The following ARHGAP31 variants were observed in gnomAD, a reference collection of about 807,000 sequenced individuals.
The protein encoded by ARHGAP31 is Rho GTPase activating protein 31.
ARHGAP31 carries 34 observed loss-of-function variants against 113.9 expected under a neutral mutation model. The ratio of observed to expected loss-of-function variants is 0.30; its 90% confidence interval spans 0.23 to 0.40. The LOEUF is 0.40. ARHGAP31 is among the 10% of genes least tolerant of loss of function. ARHGAP31 has a pLI of 1.00. For missense variants in ARHGAP31, 1,548 were observed against 1,767.1 expected (o/e 0.88, Z 2.22); for synonymous variants, 650 against 684.8 (o/e 0.95, Z 0.79).
intron 8 of ARHGAP31, among the ~76,000 whole-genome samples, chr3:119,396,965 A>G (rs1381497497): frequency 6.6e-6 from 1 of 152,238 alleles, no homozygotes; most frequent in Non-Finnish European, 1.5e-5. Context: ...GAACCCTCCA[A>G]AATGAACTGT....
At chr3:119,324,181 C>A (rs1292531480) in intron 1 of ARHGAP31, among the ~76,000 whole-genome samples, 1 of 152,114 alleles carries the variant, frequency 6.6e-6, no homozygotes, top group Non-Finnish European at 1.5e-5. Context: ...TAGAATATAC[C>A]CTTGTCTAGC....
At chr3:119,384,453 A>G (rs929495346) in intron 6 of ARHGAP31, among the ~76,000 whole-genome samples, 3 of 152,202 alleles carry the variant, frequency 2.0e-5, no homozygotes, top group African/African-American at 4.8e-5. Context: ...GTAATTTGCA[A>G]TGAAAGGGAA....
intron 11 of ARHGAP31, among the ~76,000 whole-genome samples, chr3:119,413,565 T>C: frequency 6.6e-6 from 1 of 152,210 alleles, no homozygotes; most frequent in Non-Finnish European, 1.5e-5. Context: ...CTGTATGACT[T>C]AGATAAATTG....
intron 1 of ARHGAP31, among the ~76,000 whole-genome samples, chr3:119,318,741 G>A (rs1482438900): frequency 2.6e-5 from 4 of 151,914 alleles, no homozygotes; most frequent in Non-Finnish European, 5.9e-5. Context: ...TTAGTCTCTC[G>A]CTTATAATTA....
chr3:119,393,390 A>G lies in ARHGAP31; in HGVS notation c.882-77A>G, dbSNP rs893854058. Reference sequence around the variant, plus strand: ...CATTCATAACTGAGGACATAACTGGAATATTTGGTCTCAATTTAAAAGTCC... The same window carrying G: ...CATTCATAACTGAGGACATAACTGGGATATTTGGTCTCAATTTAAAAGTCC... On this transcript the variant is annotated intron_variant, in intron 7 of 11. Coordinates refer to ENST00000264245, the MANE Select transcript of ARHGAP31 (RefSeq NM_020754.4). 29 of 1,555,160 alleles carry G rather than the reference A, an allele frequency of 1.9e-5. No individual in the cohort carries two copies. In the African/African-American group the frequency reaches 3.1e-4, roughly 17 times the overall value.
chr3:119,309,624 G>A (rs1179872027), intron 1 of ARHGAP31, among the ~76,000 whole-genome samples: 1 of 152,052 alleles, frequency 6.6e-6, no homozygotes, highest in Non-Finnish European at 1.5e-5. Flanking sequence ...GCCAGGCATG[G>A]TGGCGTGGGG....
intron 1 of ARHGAP31, among the ~76,000 whole-genome samples, chr3:119,337,171 G>A (rs2079960463): frequency 6.6e-6 from 1 of 152,202 alleles, no homozygotes; most frequent in Non-Finnish European, 1.5e-5. Flanking sequence ...CCCTGGCAGT[G>A]AGTGTTACAG....
intron 1 of ARHGAP31, among the ~76,000 whole-genome samples, chr3:119,317,279 C>T (rs776389802): frequency 3.1e-4 from 47 of 151,936 alleles, no homozygotes; most frequent in Non-Finnish European, 5.7e-4. Context: ...CCTGGGTTCA[C>T]GCTATTCTCC....
Position 119,415,093 on chromosome 3 carries a change from C to T in ARHGAP31, c.3164C>T (p.Pro1055Leu). The T allele has an allele frequency of 6.2e-7, 1 of 1,614,174 alleles. No homozygotes were observed. Among genetic ancestry groups the T allele is most frequent in the Non-Finnish European group, 8.5e-7 (1 of 1,180,040 alleles). ...GGGACACACCTGGGGCACAGCAGTC[C>T]ACAGATTAGGCAAGGTGGTGTTCCT... is the stretch of plus-strand genomic sequence containing the variant. ...ELGTHLGHSSPQIRQGGVPGP... is the reference protein window; with the variant it reads ...ELGTHLGHSSLQIRQGGVPGP... The change falls in exon 12 of 12, where the codon CCA becomes CTA. Residue 1055 changes from proline to leucine, a missense_variant. Coordinates refer to ENST00000264245, the MANE Select transcript of ARHGAP31 (RefSeq NM_020754.4).
chr3:119,347,287 G>A (rs2080069092), intron 1 of ARHGAP31, among the ~76,000 whole-genome samples: 1 of 152,204 alleles, frequency 6.6e-6, no homozygotes, highest in Non-Finnish European at 1.5e-5. Context: ...CTGTGGCCAA[G>A]GGCAGTGTCT....
chr3:119,391,329 T>G (rs1310106009), intron 7 of ARHGAP31, among the ~76,000 whole-genome samples: 1 of 152,114 alleles, frequency 6.6e-6, no homozygotes, highest in Non-Finnish European at 1.5e-5. Context: ...AAAGGAAGTT[T>G]ACTAAAAACA....
chr3:119,341,447 A>C (rs12486987), intron 1 of ARHGAP31, among the ~76,000 whole-genome samples: 1 of 152,016 alleles, frequency 6.6e-6, no homozygotes, highest in Non-Finnish European at 1.5e-5. Flanking sequence ...CTGTGAGGGA[A>C]TTACTATTAT....
chr3:119,356,338 A>AC (rs2107618766), intron 1 of ARHGAP31, among the ~76,000 whole-genome samples: 1 of 152,170 alleles, frequency 6.6e-6, no homozygotes, highest in South Asian at 2.1e-4. Flanking sequence ...AACAACAACA[A>AC]AAAAAACCAT....
Position 119,414,149 on chromosome 3 carries a change from A to C in ARHGAP31, c.2220A>C (p.Glu740Asp), listed in dbSNP as rs1324456493. ...ASTAASREKP[E>D]PEQGLHPDLA... is the part of the protein sequence containing the mutation. ...CAGCAGCCAGCAGAGAGAAGCCGGA[A>C]CCTGAGCAGGGCCTGCACCCAGACC... Residue 740 changes from glutamate (E) to aspartate (D), a missense_variant, in exon 12 of 12, where the codon GAA (glutamate) becomes GAC (aspartate). By Grantham distance (45) the Glu-to-Asp change is conservative (BLOSUM62 2). Coordinates refer to ENST00000264245, the MANE Select transcript of ARHGAP31 (RefSeq NM_020754.4). The C allele has an allele frequency of 6.2e-7, 1 of 1,614,050 alleles. No homozygotes were observed. Among genetic ancestry groups the C allele is most frequent in the Non-Finnish European group, 8.5e-7 (1 of 1,180,036 alleles).
chr3:119,401,846 A>G lies in ARHGAP31; in HGVS notation c.1094A>G (p.Asn365Ser), dbSNP rs560153563. ...VEGKETKGNF[N>S]RTVTTGGFFI... ...GGAAAAGAAACCAAGGGAAATTTCA[A>G]TCGAACAGTTACCACCGGTGGATTT... The change falls in exon 10 of 12, where the codon AAT (asparagine) becomes AGT (serine). Residue 365 changes from asparagine (N) to serine (S), a missense_variant. Asn to Ser is a conservative substitution (Grantham distance 46). Coordinates refer to ENST00000264245, the MANE Select transcript of ARHGAP31 (RefSeq NM_020754.4). 1.9e-6 allele frequency: 3 copies of G among 1,613,944 alleles called. No individual in the cohort carries two copies. Among genetic ancestry groups the G allele is most frequent in the Admixed American group, 3.3e-5 (2 of 60,002 alleles).
At chr3:119,305,763 A>G (rs2079626374) in intron 1 of ARHGAP31, among the ~76,000 whole-genome samples, 1 of 152,204 alleles carries the variant, frequency 6.6e-6, no homozygotes, top group African/African-American at 2.4e-5. Flanking sequence ...AGCAAAGCCA[A>G]ATGCAGGTCT....
intron 1 of ARHGAP31, among the ~76,000 whole-genome samples, chr3:119,357,893 A>C (rs2080172227): frequency 6.6e-6 from 1 of 152,266 alleles, no homozygotes; most frequent in South Asian, 2.1e-4. Context: ...CTCTTTATGC[A>C]TGTGCATAAT....
chr3:119,394,668 G>A (rs978179454), intron 8 of ARHGAP31, among the ~76,000 whole-genome samples: 2 of 151,896 alleles, frequency 1.3e-5, no homozygotes, highest in Non-Finnish European at 2.9e-5. Flanking sequence ...ACAAAAAAAA[G>A]AGCTGACCGA....
intron 1 of ARHGAP31, chr3:119,314,672 GGAT>G (rs1333555106): frequency 6.6e-6 from 1 of 152,418 alleles, no homozygotes. Flanking sequence ...GGTGGCGAAG[GGAT>G]CCACTGATGG....
Sources: gnomAD v4.1 joint callset for allele counts (sites outside exome capture counted in the v4.1 genomes callset) on GRCh38, gnomAD v4.1.1 for gene constraint, MANE v1.5 for transcripts, NCBI Gene and HGNC (gene_info 2026-07-23, HGNC 2026-07-21) for gene names.